The following BCAR3 variants were observed in gnomAD, a reference collection of about 807,000 sequenced individuals.
BCAR3 encodes breast cancer anti-estrogen resistance protein 3.
BCAR3 carries 37 observed loss-of-function variants against 80.1 expected under a neutral mutation model. That is an observed-to-expected ratio of 0.46 (90% CI 0.36 to 0.61). The LOEUF is 0.61. Among genes scored for constraint, BCAR3 ranks in the 20% least tolerant of loss-of-function variants. The probability of loss-of-function intolerance (pLI) is 0.00; values close to 1 mark genes in which losing one functional copy is unlikely to be tolerated. For missense variants in BCAR3, 978 were observed against 1,068.2 expected (o/e 0.92, Z 1.18); for synonymous variants, 389 against 418.9 (o/e 0.93, Z 0.87).
chr1:93,674,714 G>T lies in BCAR3; in HGVS notation c.217C>A (p.Leu73Ile). The T allele has an allele frequency of 6.2e-7, 1 of 1,614,046 alleles. No homozygotes were observed. The highest frequency in any genetic ancestry group is 8.5e-7 in the Non-Finnish European group (1 of 1,180,002). Reference protein sequence around the residue: ...SCDDFSHMGTLPHSKSPRQNS... With the variant: ...SCDDFSHMGTIPHSKSPRQNS... ...TGCCGTGGGGATTTGGAGTGGGGGA[G>T]GGTGCCCATGTGACTGAAGTCATCA... Residue 73 changes from leucine (L) to isoleucine (I), a missense_variant, in exon 2 of 12, where the codon CTC becomes ATC. Transcript: ENST00000260502.
At chr1:93,803,896 T>C (rs1451221557) in intron 2 of BCAR3, among the ~76,000 whole-genome samples, 1 of 152,136 alleles carries the variant, frequency 6.6e-6, no homozygotes, top group South Asian at 2.1e-4. Flanking sequence ...ATGCTATTGA[T>C]GTATATAGGG....
intron 3 of BCAR3, among the ~76,000 whole-genome samples, chr1:93,603,891 T>C (rs1674697944): frequency 6.6e-6 from 1 of 152,114 alleles, no homozygotes; most frequent in Non-Finnish European, 1.5e-5. Flanking sequence ...TCAGTGAGGG[T>C]TTCTGGTCCC....
At chr1:93,599,540 G>C (rs1674552330) in intron 3 of BCAR3, 1 of 151,252 alleles carries the variant, frequency 6.6e-6, no homozygotes, top group Non-Finnish European at 1.5e-5. Context: ...CTTTGCCCAG[G>C]AAGGCAACAG....
chr1:93,846,354 C>T (rs995210160), intron 1 of BCAR3, among the ~76,000 whole-genome samples: 1 of 152,204 alleles, frequency 6.6e-6, no homozygotes, highest in Non-Finnish European at 1.5e-5. Context: ...CCAGCGGCCG[C>T]CCTGCGAATC....
chr1:93,621,126 G>A (rs67671429), intron 3 of BCAR3, among the ~76,000 whole-genome samples: 2,605 of 152,356 alleles, frequency 0.017, 40 homozygotes, highest in Middle Eastern at 0.034. Flanking sequence ...TTCCAGCCTG[G>A]AGAGAAAATG....
intron 3 of BCAR3, among the ~76,000 whole-genome samples, chr1:93,688,550 CGT>C (rs1344205734): frequency 6.6e-6 from 1 of 151,840 alleles, no homozygotes; most frequent in African/African-American, 2.4e-5. Context: ...TTACAGTAAG[CGT>C]GTGTGTGTCT....
chr1:93,839,455 G>T (rs12143279), intron 2 of BCAR3, among the ~76,000 whole-genome samples: 43,482 of 151,996 alleles, frequency 0.29, 7,165 homozygotes, highest in East Asian at 0.53. Flanking sequence ...AGCAGAAGTT[G>T]TGAAAGCTTA....
At chr1:93,790,525 T>C (rs1653106442) in intron 2 of BCAR3, among the ~76,000 whole-genome samples, 1 of 152,050 alleles carries the variant, frequency 6.6e-6, no homozygotes, top group Non-Finnish European at 1.5e-5. Flanking sequence ...TAAAGGTAGC[T>C]TTCCTATGAA....
intron 2 of BCAR3, among the ~76,000 whole-genome samples, chr1:93,674,219 T>C (rs1648354324): frequency 6.6e-6 from 1 of 152,150 alleles, no homozygotes; most frequent in African/African-American, 2.4e-5. Context: ...GACAGGTGCA[T>C]GGGAGTTAAT....
At chr1:93,818,607 T>C (rs1654098009) in intron 2 of BCAR3, among the ~76,000 whole-genome samples, 1 of 152,242 alleles carries the variant, frequency 6.6e-6, no homozygotes. Context: ...GTAACAGTAC[T>C]TTCCATCATT....
intron 7 of BCAR3, among the ~76,000 whole-genome samples, chr1:93,581,780 G>A (rs1192675209): frequency 1.3e-5 from 2 of 152,168 alleles, no homozygotes; most frequent in African/African-American, 4.8e-5. Flanking sequence ...TTATACTAAA[G>A]ATCATTTTAG....
chr1:93,797,622 G>A (rs762253104), intron 2 of BCAR3, among the ~76,000 whole-genome samples: 2 of 152,058 alleles, frequency 1.3e-5, no homozygotes, highest in African/African-American at 2.4e-5. Context: ...CTGGGGCCAA[G>A]TAATAGGAAA....
chr1:93,581,278 T>C (rs1673695772), intron 7 of BCAR3, among the ~76,000 whole-genome samples: 3 of 152,350 alleles, frequency 2.0e-5, no homozygotes, highest in African/African-American at 2.4e-5. Context: ...CAAACAGATA[T>C]TACACATGCA....
intron 2 of BCAR3, among the ~76,000 whole-genome samples, chr1:93,790,629 T>TTTA (rs1264627349): frequency 3.0e-5 from 4 of 133,288 alleles, no homozygotes; most frequent in African/African-American, 9.4e-5. Context: ...TTTTTTTTTG[T>TTTA]ATTCATTTTT....
chr1:93,724,207 G>A lies in BCAR3; in HGVS notation c.-62-18065C>T, dbSNP rs370296025. On this transcript the variant is annotated intron_variant, in intron 2 of 13. Transcript: ENST00000370244. ...ACAGAGGGGAACCGAGGCCCCCAGA[G>A]TTAGGATGCCAGCGCTGGTGGCTGG... 2.2e-4 allele frequency among the ~76,000 whole-genome samples: 33 copies of A among 152,334 alleles called. 3 individuals carry two copies. The highest frequency in any genetic ancestry group is 9.7e-4 in the East Asian group (5 of 5,180).
In BCAR3 at chr1:93,814,380, TCA is replaced by T. The variant is rs754310976; in HGVS notation, c.-63+31185_-63+31186del. ...CTTATTGAACCTCAATTTCCACATC[TCA>T]CAGGATGGTTGAGGGCGAAGGGGTC... On this transcript the variant is annotated intron_variant, in intron 2 of 13. Coordinates refer to the BCAR3 transcript ENST00000370244. Among the ~76,000 whole-genome samples the T allele has an allele frequency of 2.6e-4, 40 of 152,342 alleles. 3 individuals are homozygous for T. Among genetic ancestry groups the T allele is most frequent in the Admixed American group, 1.2e-3 (19 of 15,298 alleles).
At chr1:93,811,316 C>T (rs1028732046) in intron 2 of BCAR3, among the ~76,000 whole-genome samples, 7 of 152,204 alleles carry the variant, frequency 4.6e-5, no homozygotes, top group African/African-American at 1.7e-4. Flanking sequence ...GGGGTGAATG[C>T]TGTAGCAGGG....
intron 3 of BCAR3, among the ~76,000 whole-genome samples, chr1:93,703,001 TG>T (rs1649700977): frequency 6.6e-6 from 1 of 152,200 alleles, no homozygotes; most frequent in Non-Finnish European, 1.5e-5. Flanking sequence ...CTGCCCTCTG[TG>T]GTCCAAGGCT....
chr1:93,830,316 C>A (rs1431603900), intron 2 of BCAR3, among the ~76,000 whole-genome samples: 3 of 152,154 alleles, frequency 2.0e-5, no homozygotes, highest in Non-Finnish European at 4.4e-5. Context: ...CAAAAATTAG[C>A]TGGGCGTGGT....
Sources: allele counts gnomAD v4.1 joint callset (sites outside exome capture counted in the v4.1 genomes callset), GRCh38; gene constraint gnomAD v4.1.1; transcripts MANE v1.5; gene names NCBI Gene and HGNC (gene_info 2026-07-23, HGNC 2026-07-21).